The following DMXL2 variants were observed in gnomAD, a reference collection of about 807,000 sequenced individuals.
The protein encoded by DMXL2 is dmX-like protein 2.
A neutral mutation model predicts 331.1 loss-of-function variants in DMXL2; 103 were observed. The observed-to-expected ratio is 0.31, with a 90% CI of 0.27 to 0.37. The LOEUF (loss-of-function observed/expected upper bound fraction) is 0.37. Ranked by LOEUF, DMXL2 falls within the 10% of genes least tolerant of loss-of-function variation. DMXL2 has a pLI of 1.00. For missense variants in DMXL2, 3,171 were observed against 3,642.9 expected, an observed-to-expected ratio of 0.87 and a Z score of 3.33; for synonymous variants, 1,281 against 1,252.1, an observed-to-expected ratio of 1.02 and a Z score of -0.49.
At position 51,586,385 on chromosome 15, in the gene DMXL2, A is replaced by C. The variant is rs546160564; in HGVS notation, c.88-10204T>G. Among the ~76,000 whole-genome samples, 19 of 152,332 alleles carry C rather than the reference A, an allele frequency of 1.2e-4. No individual in the cohort carries two copies. The East Asian group carries it at 3.7e-3, about 29-fold the overall frequency. Reference sequence around the variant, plus strand: ...AGCTTGACTACAAATATGTAAAAACAAAAATCTATGGGAAGAAAAAAACAA... The same window carrying C: ...AGCTTGACTACAAATATGTAAAAACCAAAATCTATGGGAAGAAAAAAACAA... On this transcript the variant is annotated intron_variant, in intron 1 of 43. Coordinates refer to ENST00000560891, the MANE Select transcript of DMXL2 (RefSeq NM_001378457.1).
chr15:51,452,957 G>A (rs1026326561), intron 41 of DMXL2, among the ~76,000 whole-genome samples: 3 of 152,194 alleles, frequency 2.0e-5, no homozygotes, highest in African/African-American at 7.2e-5. Context: ...TGGAGTTAGA[G>A]GCCATTATTC....
chr15:51,503,722 C>T (rs996162183), intron 16 of DMXL2, among the ~76,000 whole-genome samples: 1 of 152,080 alleles, frequency 6.6e-6, no homozygotes, highest in African/African-American at 2.4e-5. Context: ...CTGAAATGTT[C>T]CCAATCCGAA....
Position 51,448,570 on chromosome 15 carries a change from C to T in DMXL2, c.*414G>A, listed in dbSNP as rs1014992922. On this transcript the variant is annotated 3_prime_UTR_variant, in exon 44 of 44. Transcript: ENST00000560891. ...TCCTAACAAACACCTTATGATTATC[C>T]TTCATTCAACAGAGGAGGAGACTGC... 6 of 229,580 alleles carry T rather than the reference C, an allele frequency of 2.6e-5. No homozygotes were observed. In the Middle Eastern group the frequency reaches 7.5e-3, roughly 286 times the overall value. 14.2% of individuals were successfully genotyped at this position (229,580 alleles called of 1,614,324 possible). A position where few individuals can be genotyped will look rare whatever the true frequency, so the allele number is the denominator to read the frequency against.
intron 6 of DMXL2, among the ~76,000 whole-genome samples, chr15:51,548,290 A>G (rs2140947923): frequency 6.6e-6 from 1 of 152,262 alleles, no homozygotes; most frequent in African/African-American, 2.4e-5. Context: ...CCTGAAAAGT[A>G]TGCATTGACC....
chr15:51,495,816 G>A (rs1472842709), intron 18 of DMXL2, among the ~76,000 whole-genome samples: 1 of 151,350 alleles, frequency 6.6e-6, no homozygotes, highest in Non-Finnish European at 1.5e-5. Context: ...AGTACTCAAT[G>A]ATTATAGAAT....
At chr15:51,570,409 C>A (rs533792850) in intron 2 of DMXL2, among the ~76,000 whole-genome samples, 47 of 152,186 alleles carry the variant, frequency 3.1e-4, no homozygotes, top group African/African-American at 1.1e-3. Context: ...CCTAGAAAGA[C>A]AGGCCAAAAT....
In DMXL2 at chr15:51,448,656, C is replaced by T. The variant is rs2141169705; in HGVS notation, c.*328G>A. 1 of 302,310 alleles carries T rather than the reference C, an allele frequency of 3.3e-6. No homozygotes were observed. The highest frequency in any genetic ancestry group is 4.0e-5 in the South Asian group (1 of 25,084). The allele number at this position is 302,310 out of a possible 1,614,324, so 18.7% of individuals were successfully genotyped here. A position where few individuals can be genotyped will look rare whatever the true frequency, so the allele number is the denominator to read the frequency against. ...AAACCCAAATCAGCAACATTTTCTT[C>T]CTTAATTTGGTATAAACGTCCTTTT... On this transcript the variant is annotated 3_prime_UTR_variant, in exon 44 of 44. Coordinates refer to ENST00000560891, the MANE Select transcript of DMXL2 (RefSeq NM_001378457.1).
chr15:51,568,338 A>C, intron 3 of DMXL2, 149 bp downstream of exon 3: 1 of 544,656 alleles, frequency 1.8e-6, no homozygotes. Context: ...TAGTGAATGT[A>C]AGGATCCTAA....
chr15:51,517,611 A>C (rs768070098), intron 13 of DMXL2, among the ~76,000 whole-genome samples: 28 of 152,222 alleles, frequency 1.8e-4, no homozygotes, highest in Admixed American at 3.3e-4. Context: ...TTGGAACCCC[A>C]AAATCCCAAA....
chr15:51,492,240 T>C (rs1252144692), intron 19 of DMXL2, among the ~76,000 whole-genome samples: 1 of 152,230 alleles, frequency 6.6e-6, no homozygotes, highest in African/African-American at 2.4e-5. Context: ...TGGTGAAAGC[T>C]TTATTCAAGT....
chr15:51,475,653 C>T (rs1287626183), intron 27 of DMXL2, among the ~76,000 whole-genome samples: 6 of 151,978 alleles, frequency 3.9e-5, no homozygotes, highest in Non-Finnish European at 5.9e-5. Flanking sequence ...TAAGAGGAGA[C>T]TAATGAGACA....
In DMXL2 at chr15:51,471,386, G is replaced by C. The variant is rs2041093527; in HGVS notation, c.7229C>G (p.Ser2410Cys). The C allele has an allele frequency of 6.2e-7, 1 of 1,609,534 alleles. No homozygotes were observed. The highest frequency in any genetic ancestry group is 8.5e-7 in the Non-Finnish European group (1 of 1,177,396). The part of the protein sequence containing the change: ...SENISAPPVL[S>C]EDIDKHRRRF... ...CCTACGGTGTTTATCTATGTCTTCAGAAAGGACAGGAGGTGCTAAATGAAG... is the reference window on the plus strand; with the variant it reads ...CCTACGGTGTTTATCTATGTCTTCACAAAGGACAGGAGGTGCTAAATGAAG... Residue 2410 changes from serine (S) to cysteine (C), a missense_variant, in exon 29 of 44, where the codon TCT becomes TGT. Ser to Cys is a moderately radical substitution (Grantham distance 112). Around this residue, in one of 7 missense-constraint regions of DMXL2, gnomAD observed 766 missense variants for 940.5 expected, o/e 0.81. Coordinates refer to ENST00000560891, the MANE Select transcript of DMXL2 (RefSeq NM_001378457.1).
chr15:51,542,305 T>A, intron 9 of DMXL2, 28 bp downstream of exon 9: 1 of 1,595,348 alleles, frequency 6.3e-7, no homozygotes, highest in Non-Finnish European at 8.6e-7. Context: ...TTCAACATAT[T>A]TATGGGAAAT....
chr15:51,547,994 C>G (rs1047964364), intron 6 of DMXL2, among the ~76,000 whole-genome samples: 1 of 152,090 alleles, frequency 6.6e-6, no homozygotes, highest in Non-Finnish European at 1.5e-5. Context: ...TCTTGGGCCA[C>G]AGTTCTCCGA....
chr15:51,479,898 T>C (rs2041884090), intron 25 of DMXL2, 50 bp downstream of exon 25: 2 of 1,340,042 alleles, frequency 1.5e-6, no homozygotes, highest in Non-Finnish European at 2.0e-6. Flanking sequence ...GTATAACATA[T>C]TTACCTTCTC....
intron 2 of DMXL2, among the ~76,000 whole-genome samples, chr15:51,573,974 A>G (rs1401066179): frequency 6.6e-6 from 1 of 152,174 alleles, no homozygotes; most frequent in Non-Finnish European, 1.5e-5. Flanking sequence ...TCCAGTGAAA[A>G]TAATATAAAA....
Position 51,609,917 on chromosome 15 carries a change from T to C in DMXL2, c.87+12542A>G, listed in dbSNP as rs377407933. ...TGCACTCCAGCCTGGGCAACAAGAG[T>C]GAAAGTCAGTCTTAAAAAAAAAAAA... On this transcript the variant is annotated intron_variant, in intron 1 of 43. Transcript: ENST00000560891. Among the ~76,000 whole-genome samples, 11 of 141,606 alleles carry C rather than the reference T, an allele frequency of 7.8e-5. No individual in the cohort carries two copies. The East Asian group carries it at 2.3e-3, about 29-fold the overall frequency. 92.9% of individuals were successfully genotyped at this position (141,606 alleles called of 152,430 possible).
chr15:51,455,494 G>T (rs1019934306), intron 39 of DMXL2, among the ~76,000 whole-genome samples: 1 of 152,144 alleles, frequency 6.6e-6, no homozygotes. Context: ...AAACTCCTGG[G>T]TTCAAGGGAT....
At position 51,450,291 on chromosome 15, in the gene DMXL2, T is replaced by C; in HGVS notation, c.8805A>G (p.Gln2935=). The change falls in exon 43 of 44, where the codon CAA becomes CAG. Residue 2935 remains glutamine (Q), a synonymous_variant. Transcript: ENST00000560891. The stretch of plus-strand genomic sequence containing the variant: ...CTTTCCTACCCCCCGAGATTAGGAG[T>C]TGCTGTTTGGGTGCATACTGCAGTA... ...ATVLQYAPKQ[Q]LLISGGRKGH... 1 of 1,610,036 alleles carries C rather than the reference T, an allele frequency of 6.2e-7. No homozygotes were observed. Among genetic ancestry groups the C allele is most frequent in the Middle Eastern group, 1.7e-4 (1 of 6,056 alleles).
Sources: allele counts gnomAD v4.1 joint callset (sites outside exome capture counted in the v4.1 genomes callset), GRCh38; gene constraint gnomAD v4.1.1; regional missense constraint gnomAD v4.1.1; transcripts MANE v1.5; gene names NCBI Gene and HGNC (gene_info 2026-07-23, HGNC 2026-07-21).